The following ADAMTS2 variants were observed in gnomAD, a reference collection of about 807,000 sequenced individuals.
The protein encoded by ADAMTS2 is ADAM metallopeptidase with thrombospondin type 1 motif 2.
ADAMTS2 carries 50 observed loss-of-function variants against 123.0 expected under a neutral mutation model. The observed-to-expected ratio is 0.41, with a 90% CI of 0.32 to 0.51. ADAMTS2 has a LOEUF of 0.51. ADAMTS2 is among the 20% of genes least tolerant of loss of function. The pLI, the probability that ADAMTS2 is intolerant of heterozygous loss-of-function variation, is 0.35. For missense variants in ADAMTS2, 1,494 were observed against 1,705.2 expected, an observed-to-expected ratio of 0.88 and a Z score of 2.18; for synonymous variants, 678 against 695.4, an observed-to-expected ratio of 0.98 and a Z score of 0.39.
chr5:179,244,041 C>G (rs1765726501), intron 3 of ADAMTS2, among the ~76,000 whole-genome samples: 1 of 152,110 alleles, frequency 6.6e-6, no homozygotes. Flanking sequence ...CCATAAAGGG[C>G]ATGAACATAT....
rs188955293 is a variant in ADAMTS2, at chr5:179,307,813, G to C, written c.535-34749C>G. Among the ~76,000 whole-genome samples, 2 of 152,284 alleles carry C rather than the reference G, an allele frequency of 1.3e-5. No individual in the cohort carries two copies. Among genetic ancestry groups the C allele is most frequent in the East Asian group, 3.9e-4 (2 of 5,182 alleles). ...CCTAGCTCCGATGCCTCCTCACAAG[G>C]ACCTTGGTGAAGGGTGTCCCTTCTC... On this transcript the variant is annotated intron_variant, in intron 2 of 21. Transcript: ENST00000251582. The surrounding 1 kb of genome is among the most constrained non-coding windows in gnomAD (Gnocchi z 5.6).
chr5:179,208,156 A>C (rs1161398389), intron 3 of ADAMTS2, among the ~76,000 whole-genome samples: 21 of 150,728 alleles, frequency 1.4e-4, no homozygotes, highest in South Asian at 4.2e-4. Flanking sequence ...CCTTGCCCAC[A>C]CTGCCCGATG....
intron 5 of ADAMTS2, among the ~76,000 whole-genome samples, chr5:179,172,628 G>A (rs944991545): frequency 1.3e-5 from 2 of 152,192 alleles, no homozygotes; most frequent in Admixed American, 6.5e-5. Context: ...GTGAGCTAGC[G>A]CCCATAGGGT....
chr5:179,273,181 A>C, intron 2 of ADAMTS2, 117 bp from the exon 3 acceptor site: 1 of 1,477,232 alleles, frequency 6.8e-7, no homozygotes, highest in Admixed American at 1.7e-5. Context: ...CCAGCACCCC[A>C]GCTGGTGCTC....
intron 4 of ADAMTS2, among the ~76,000 whole-genome samples, chr5:179,187,207 T>C (rs1429061925): frequency 6.6e-6 from 1 of 152,114 alleles, no homozygotes; most frequent in Admixed American, 6.5e-5. Flanking sequence ...CTAAAAAATA[T>C]ATCTCAAAGG....
In ADAMTS2 at chr5:179,122,732, C is replaced by G; in HGVS notation, c.3000G>C (p.Val1000=). 1 of 1,553,382 alleles carries G rather than the reference C, an allele frequency of 6.4e-7. No individual in the cohort carries two copies. The highest frequency in any genetic ancestry group is 1.2e-5 in the South Asian group (1 of 84,232). The change falls in exon 20 of 22, where the codon GTG becomes GTC. Residue 1000 remains valine (V), a synonymous_variant. Transcript: ENST00000251582. ...TCGNGTQERP[V]LCRTADDSFG... is the part of the protein sequence containing the mutation. ...AGCTGTCGTCCGCGGTGCGGCAGAG[C>G]ACTGGCCGCTCCTGGGTGCCGTTGC...
chr5:179,125,465 C>T (rs116808588), intron 18 of ADAMTS2, among the ~76,000 whole-genome samples: 1,831 of 152,280 alleles, frequency 0.012, 25 homozygotes, highest in South Asian at 0.024. Context: ...AGGTCCCTAG[C>T]CTGAAGAGGT....
chr5:179,282,206 C>G (rs1023619796), intron 2 of ADAMTS2, among the ~76,000 whole-genome samples: 2 of 152,182 alleles, frequency 1.3e-5, no homozygotes, highest in African/African-American at 4.8e-5. Context: ...ATATCTAAGA[C>G]TTTGCCTAAT....
At chr5:179,167,433 G>A (rs1199348970) in intron 5 of ADAMTS2, among the ~76,000 whole-genome samples, 1 of 152,220 alleles carries the variant, frequency 6.6e-6, no homozygotes, top group Non-Finnish European at 1.5e-5. Context: ...TGAGCAAAAA[G>A]TTCTGTTCCA....
Position 179,181,267 on chromosome 5 carries a change from G to T in ADAMTS2, c.892-112C>A. On this transcript the variant is annotated intron_variant, in intron 4 of 21. Transcript: ENST00000251582. The surrounding 1 kb of genome is among the most constrained non-coding windows in gnomAD (Gnocchi z 4.1). Reference sequence around the variant, plus strand: ...TTCTTCTTCCCATGCTTTCCACCCAGGCGTCACCATCAACTAGGAGCCACC... The same window carrying T: ...TTCTTCTTCCCATGCTTTCCACCCATGCGTCACCATCAACTAGGAGCCACC... 1.2e-6 allele frequency: 1 copy of T among 809,590 alleles called. No homozygotes were observed. The highest frequency in any genetic ancestry group is 1.9e-5 in the Admixed American group (1 of 52,664). The allele number at this position is 809,590 out of a possible 1,614,324, so 50.2% of individuals were successfully genotyped here.
At chr5:179,209,262 C>G (rs1401857653) in intron 3 of ADAMTS2, among the ~76,000 whole-genome samples, 1 of 152,240 alleles carries the variant, frequency 6.6e-6, no homozygotes, top group East Asian at 1.9e-4. Context: ...CGACTCTCGG[C>G]CAGAAGCTCT....
At chr5:179,135,330 G>A (rs1435325663) in intron 13 of ADAMTS2, among the ~76,000 whole-genome samples, 1 of 152,212 alleles carries the variant, frequency 6.6e-6, no homozygotes, top group Non-Finnish European at 1.5e-5. Context: ...AGAGACTTCC[G>A]GTTGTTTTCG....
intron 4 of ADAMTS2, among the ~76,000 whole-genome samples, chr5:179,204,793 G>A (rs1018451946): frequency 4.6e-5 from 7 of 152,174 alleles, no homozygotes; most frequent in Admixed American, 3.3e-4. Flanking sequence ...GAGACCCCCC[G>A]CTGACCCTCC....
chr5:179,267,755 G>A (rs462304), intron 3 of ADAMTS2, among the ~76,000 whole-genome samples: 1 of 152,218 alleles, frequency 6.6e-6, no homozygotes, highest in Non-Finnish European at 1.5e-5. Context: ...GCAGGGCCCA[G>A]GGCTGGAGGC....
chr5:179,171,278 G>A (rs1763809151), intron 5 of ADAMTS2, among the ~76,000 whole-genome samples: 2 of 152,078 alleles, frequency 1.3e-5, no homozygotes, highest in Admixed American at 6.5e-5. Context: ...ATGGCAGATG[G>A]CTCCTCCGGT....
At chr5:179,271,946 G>C (rs1766547448) in intron 3 of ADAMTS2, among the ~76,000 whole-genome samples, 1 of 152,328 alleles carries the variant, frequency 6.6e-6, no homozygotes, top group East Asian at 1.9e-4. Flanking sequence ...CACTCGCTGT[G>C]AACGTGCAGG....
At chr5:179,263,809 C>T (rs1026896010) in intron 3 of ADAMTS2, among the ~76,000 whole-genome samples, 32 of 152,374 alleles carry the variant, frequency 2.1e-4, no homozygotes, top group Admixed American at 5.9e-4. Flanking sequence ...GACGCCAGCA[C>T]GCCCATCTGA....
intron 3 of ADAMTS2, among the ~76,000 whole-genome samples, chr5:179,238,422 G>A (rs956349593): frequency 2.6e-5 from 4 of 152,210 alleles, no homozygotes; most frequent in African/African-American, 9.6e-5. Context: ...AGTGCTCTGA[G>A]TATGCCGGAG....
rs1757899915 is a variant in ADAMTS2 at position 179,345,027 on chromosome 5, G to T, written c.139+163C>A. Among the ~76,000 whole-genome samples the T allele has an allele frequency of 6.6e-6, 1 of 152,038 alleles. No individual in the cohort carries two copies. The highest frequency in any genetic ancestry group is 2.4e-5 in the African/African-American group (1 of 41,416). ...TCGGGGGCGGTGCGGGGCGCCCCCTGCGCGACCAACCCGGCCCCGAAGTTG... is the reference window on the plus strand; with the variant it reads ...TCGGGGGCGGTGCGGGGCGCCCCCTTCGCGACCAACCCGGCCCCGAAGTTG... On this transcript the variant is annotated intron_variant, in intron 1 of 21. Transcript: ENST00000251582. This position sits in a 1 kb window ranked among gnomAD's most constrained non-coding sequence, Gnocchi z 7.5.
Sources: allele counts gnomAD v4.1 joint callset (sites outside exome capture counted in the v4.1 genomes callset), GRCh38; gene constraint gnomAD v4.1.1; non-coding constraint Gnocchi (gnomAD v3.1); transcripts MANE v1.5; gene names NCBI Gene and HGNC (gene_info 2026-07-23, HGNC 2026-07-21).